Variants in ABL1 observed in about 807,000 individuals in gnomAD.
The protein encoded by ABL1 is ABL proto-oncogene 1, non-receptor tyrosine kinase.
Under a neutral mutation model 94.7 loss-of-function variants are expected in ABL1, and 11 were observed. The ratio of observed to expected loss-of-function variants is 0.12; its 90% confidence interval spans 0.07 to 0.19. ABL1 has a LOEUF of 0.19. Ranked by LOEUF, ABL1 falls within the 10% of genes least tolerant of loss-of-function variation. The pLI is 1.00. For synonymous variants in ABL1, 656 were observed against 622.4 expected (o/e 1.05, Z -0.80); for missense variants, 1,082 against 1,489.4 (o/e 0.73, Z 4.50).
At chr9:130,859,294 C>T (rs1029492839) in intron 3 of ABL1, among the ~76,000 whole-genome samples, 17 of 152,170 alleles carry the variant, frequency 1.1e-4, no homozygotes, top group African/African-American at 3.6e-4. Flanking sequence ...TTATTTTCAT[C>T]GTCTGCTGAA....
rs56271006 is a variant in ABL1 at position 130,862,872 on chromosome 9, G to T, written c.659G>T (p.Arg220Leu). The change falls in exon 4 of 11, where the codon CGC (arginine) becomes CTC (leucine). Residue 220 changes from arginine to leucine, a missense_variant. Physicochemically the swap from Arg to Leu is moderately radical, Grantham distance 102. This residue lies in a region of ABL1 where 92 missense variants were observed against 212.3 expected (regional missense o/e 0.43). Coordinates refer to ENST00000318560, the MANE Select transcript of ABL1 (RefSeq NM_005157.6). This position sits in a 1 kb window ranked among gnomAD's most constrained non-coding sequence, Gnocchi z 5.5. Reference sequence around the variant, plus strand: ...ACGCTCCATTATCCAGCCCCAAAGCGCAACAAGCCCACTGTCTATGGTGTG... The same window carrying T: ...ACGCTCCATTATCCAGCCCCAAAGCTCAACAAGCCCACTGTCTATGGTGTG... The part of the protein sequence containing the change: ...ITTLHYPAPK[R>L]NKPTVYGVSP... 9 of 1,614,070 alleles carry T rather than the reference G, an allele frequency of 5.6e-6. No individual in the cohort carries two copies. The highest frequency in any genetic ancestry group is 7.6e-6 in the Non-Finnish European group (9 of 1,180,038).
chr9:130,847,544 T>C (rs975666052), intron 1 of ABL1, among the ~76,000 whole-genome samples: 1 of 152,220 alleles, frequency 6.6e-6, no homozygotes, highest in Non-Finnish European at 1.5e-5. Context: ...CACTATGAAA[T>C]GAAGCAAGTA....
chr9:130,796,400 A>G (rs1003062373), intron 1 of ABL1, among the ~76,000 whole-genome samples: 1 of 152,116 alleles, frequency 6.6e-6, no homozygotes, highest in African/African-American at 2.4e-5. Context: ...TATCCCAGCT[A>G]CTTGGAAGGC....
At position 130,885,356 on chromosome 9, in the gene ABL1, C is replaced by T. The variant is rs558338170; in HGVS notation, c.3066C>T (p.Ile1022=). 27 of 1,613,540 alleles carry T rather than the reference C, an allele frequency of 1.7e-5. No individual in the cohort carries two copies. Among genetic ancestry groups the T allele is most frequent in the African/African-American group, 6.7e-5 (5 of 74,938 alleles). Residue 1022 remains isoleucine, a synonymous_variant, in exon 11 of 11, where the codon ATC becomes ATT. Transcript: ENST00000318560. Reference sequence around the variant, plus strand: ...AAACCCGCCAGCCTCCAGAGCGGATCGCCAGCGGCGCCATCACCAAGGGCG... The same window carrying T: ...AAACCCGCCAGCCTCCAGAGCGGATTGCCAGCGGCGCCATCACCAAGGGCG... ...LRKTRQPPER[I]ASGAITKGVV... is the part of the protein sequence containing the mutation.
intron 1 of ABL1, among the ~76,000 whole-genome samples, chr9:130,730,902 G>A (rs981180199): frequency 1.3e-5 from 2 of 150,748 alleles, no homozygotes; most frequent in African/African-American, 2.4e-5. Context: ...CCTTCGTTGG[G>A]TGTATTTATT....
At chr9:130,809,417 A>T (rs2855185) in intron 1 of ABL1, among the ~76,000 whole-genome samples, 9,951 of 84,102 alleles carry the variant, frequency 0.12, 378 homozygotes, top group East Asian at 0.2. Context: ...AGAGAGAGAG[A>T]GTGTGTGTGT....
At chr9:130,757,975 C>T (rs1000809307) in intron 1 of ABL1, among the ~76,000 whole-genome samples, 4 of 152,158 alleles carry the variant, frequency 2.6e-5, no homozygotes, top group Non-Finnish European at 4.4e-5. Flanking sequence ...GGTGCTGTCC[C>T]TTCTTTTCTC....
chr9:130,809,771 A>G (rs774729434), intron 1 of ABL1, among the ~76,000 whole-genome samples: 1 of 152,210 alleles, frequency 6.6e-6, no homozygotes, highest in African/African-American at 2.4e-5. Flanking sequence ...AAGCTGCTTT[A>G]CGCATTTTGC....
chr9:130,878,391 C>A, intron 7 of ABL1, 24 bp from the exon 8 acceptor site: 1 of 1,613,042 alleles, frequency 6.2e-7, no homozygotes, highest in Non-Finnish European at 8.5e-7. Context: ...CTTGAACAGC[C>A]TTTCTCTTTC....
intron 1 of ABL1, among the ~76,000 whole-genome samples, chr9:130,843,092 A>T (rs1476491342): frequency 6.6e-6 from 1 of 152,200 alleles, no homozygotes; most frequent in African/African-American, 2.4e-5. Context: ...CTCTTATTAC[A>T]GGTTAACAGA....
intron 1 of ABL1, among the ~76,000 whole-genome samples, chr9:130,828,171 A>G (rs1240372997): frequency 6.6e-6 from 1 of 151,894 alleles, no homozygotes; most frequent in Non-Finnish European, 1.5e-5. Context: ...TGCAGCCCCA[A>G]CCTGCCTCAG....
At chr9:130,781,042 AACCTCACTTGCGTCATTCTGAAG>A (rs1829748449) in intron 1 of ABL1, among the ~76,000 whole-genome samples, 1 of 152,196 alleles carries the variant, frequency 6.6e-6, no homozygotes, top group Non-Finnish European at 1.5e-5. Flanking sequence ...TTGTGCAGAG[AACCTCACTTGCGTCATTCTGAAG>A]ACGCAGTGAG....
chr9:130,748,857 G>A (rs1343848966), intron 1 of ABL1, among the ~76,000 whole-genome samples: 2 of 152,190 alleles, frequency 1.3e-5, no homozygotes, highest in African/African-American at 4.8e-5. Context: ...GATTGCAGGC[G>A]TGAGCCACTG....
intron 1 of ABL1, among the ~76,000 whole-genome samples, chr9:130,781,797 C>A (rs1829759507): frequency 6.6e-6 from 1 of 151,450 alleles, no homozygotes; most frequent in Admixed American, 6.6e-5. Context: ...TTTTTTTCCC[C>A]ATTTAGTTTC....
chr9:130,730,466 G>A (rs1273776755), intron 1 of ABL1, among the ~76,000 whole-genome samples: 1 of 152,052 alleles, frequency 6.6e-6, no homozygotes, highest in Non-Finnish European at 1.5e-5. Context: ...TGGCCATTTG[G>A]AATATATGTG....
At position 130,880,733 on chromosome 9, in the gene ABL1, A is replaced by C. The variant is rs576223299; in HGVS notation, c.1678+69A>C. The stretch of plus-strand genomic sequence containing the variant: ...TGCCAGAGGCTACATTCAGGCCATC[A>C]TAGGCCAACGGGAAGCTGTGAATGG... On this transcript the variant is annotated intron_variant, in intron 10 of 10. Transcript: ENST00000318560. The surrounding 1 kb of genome is among the most constrained non-coding windows in gnomAD (Gnocchi z 4.4). 116 of 1,558,700 alleles carry C rather than the reference A, an allele frequency of 7.4e-5. No homozygotes were observed. Among genetic ancestry groups the C allele is most frequent in the Non-Finnish European group, 9.5e-5 (109 of 1,151,584 alleles).
chr9:130,787,912 T>C (rs2132800404), intron 1 of ABL1, among the ~76,000 whole-genome samples: 1 of 152,350 alleles, frequency 6.6e-6, no homozygotes, highest in East Asian at 1.9e-4. Context: ...GTTCACCTGA[T>C]GGCCTTGTGG....
chr9:130,808,751 G>A (rs1202521899), intron 1 of ABL1, among the ~76,000 whole-genome samples: 2 of 152,156 alleles, frequency 1.3e-5, no homozygotes, highest in African/African-American at 2.4e-5. Flanking sequence ...TCCCAGATTT[G>A]TATACTCAAC....
chr9:130,775,719 A>C (rs1286549600), intron 1 of ABL1, among the ~76,000 whole-genome samples: 1 of 152,120 alleles, frequency 6.6e-6, no homozygotes, highest in African/African-American at 2.4e-5. Flanking sequence ...CTTTAGATTC[A>C]GGAATCAGAG....
Sources: gnomAD v4.1 joint callset for allele counts (sites outside exome capture counted in the v4.1 genomes callset) on GRCh38, gnomAD v4.1.1 for gene constraint, gnomAD v4.1.1 regional missense constraint, Gnocchi (gnomAD v3.1) non-coding constraint, MANE v1.5 for transcripts, NCBI Gene and HGNC (gene_info 2026-07-23, HGNC 2026-07-21) for gene names.